HEXB: variants seen among roughly 807,000 people sequenced by gnomAD.
HEXB encodes beta-hexosaminidase subunit beta.
HEXB carries 51 observed loss-of-function variants against 71.2 expected under a neutral mutation model. The ratio of observed to expected loss-of-function variants is 0.72; its 90% CI spans 0.57 to 0.90. The LOEUF (loss-of-function observed/expected upper bound fraction) is 0.90. Among genes scored for constraint, HEXB ranks in the 40% least tolerant of loss-of-function variants. The pLI is 0.00. For missense variants in HEXB, 617 were observed against 677.0 expected, an observed-to-expected ratio of 0.91 and a Z score of 0.98; for synonymous variants, 266 against 249.3, an observed-to-expected ratio of 1.07 and a Z score of -0.63.
chr5:74,698,533 A>G (rs1749172741), intron 5 of HEXB, among the ~76,000 whole-genome samples: 1 of 151,898 alleles, frequency 6.6e-6, no homozygotes, highest in South Asian at 2.1e-4. Context: ...CTGGGATTAC[A>G]GGTGCACACC....
At chr5:74,665,372 A>G (rs909809789) in intron 1 of HEXB, among the ~76,000 whole-genome samples, 1 of 152,196 alleles carries the variant, frequency 6.6e-6, no homozygotes, top group African/African-American at 2.4e-5. Flanking sequence ...AAAAATACAT[A>G]TGGATATCTA....
intron 7 of HEXB, among the ~76,000 whole-genome samples, chr5:74,715,207 G>C (rs1397985601): frequency 6.6e-6 from 1 of 152,168 alleles, no homozygotes; most frequent in Non-Finnish European, 1.5e-5. Context: ...GTTGTATCCA[G>C]CAGGGAATTT....
At chr5:74,718,264 A>G in intron 9 of HEXB, 27 bp from the exon 10 acceptor site, 1 of 1,367,990 alleles carries the variant, frequency 7.3e-7, no homozygotes, top group Non-Finnish European at 1.0e-6. Context: ...ATGATCTAAA[A>G]TAACTATAAT....
In HEXB at chr5:74,721,158, A is replaced by C. The variant is rs1749848813; in HGVS notation, c.1654A>C (p.Asn552His). ...ACAACCTCTTTATGCTGGATATTGT[A>C]ACCATGAGAACATGTAAAAAATGGA... ...AAQPLYAGYC[N>H]HENM The change falls in exon 14 of 14, where the codon AAC becomes CAC. Residue 552 changes from asparagine to histidine, a missense_variant. Physicochemically the swap from Asn to His is moderately conservative, Grantham distance 68. Transcript: ENST00000261416. 3 of 1,613,090 alleles carry C rather than the reference A, an allele frequency of 1.9e-6. No homozygotes were observed. Among genetic ancestry groups the C allele is most frequent in the Admixed American group, 3.3e-5 (2 of 59,992 alleles).
chr5:74,671,244 A>C (rs1368093723), intron 1 of HEXB, among the ~76,000 whole-genome samples: 1 of 152,168 alleles, frequency 6.6e-6, no homozygotes, highest in Non-Finnish European at 1.5e-5. Context: ...ATCAGACCTT[A>C]CGTCCACTGA....
rs560894315 is a variant in HEXB, at chr5:74,651,687, G to A, written c.-377+11129G>A. On this transcript the variant is annotated intron_variant, in intron 1 of 13. Coordinates refer to the HEXB transcript ENST00000511181. ...GATGAATAAACCTGTACAAATAACC[G>A]AGGTCTCTTTTGAAGCATGAACCTT... 3.3e-5 allele frequency among the ~76,000 whole-genome samples: 5 copies of A among 152,300 alleles called. No homozygotes were observed. The East Asian group carries it at 7.7e-4, about 24-fold the overall frequency.
At chr5:74,712,176 C>T (rs1749558960) in intron 6 of HEXB, among the ~76,000 whole-genome samples, 1 of 147,998 alleles carries the variant, frequency 6.8e-6, no homozygotes. Flanking sequence ...TAAACTATCA[C>T]AAGAACAAAA....
intron 1 of HEXB, among the ~76,000 whole-genome samples, chr5:74,674,859 G>A (rs1188492902): frequency 6.6e-6 from 1 of 152,098 alleles, no homozygotes; most frequent in Non-Finnish European, 1.5e-5. Context: ...TTGAATGACT[G>A]ATAGATTATC....
At chr5:74,717,509 C>T (rs1355852202) in intron 9 of HEXB, among the ~76,000 whole-genome samples, 1 of 144,342 alleles carries the variant, frequency 6.9e-6, no homozygotes, top group Non-Finnish European at 1.5e-5. Context: ...CATTTCCATC[C>T]CAGGAAGTTC....
intron 11 of HEXB, chr5:74,720,201 C>T (rs1163816274): frequency 8.9e-6 from 5 of 559,870 alleles, no homozygotes; most frequent in South Asian, 6.0e-5. Flanking sequence ...TGCTGTGAAC[C>T]GTGGGTCAGG....
Position 74,652,489 on chromosome 5 carries a change from A to G in HEXB, c.-377+11931A>G, listed in dbSNP as rs748215260. Among the ~76,000 whole-genome samples the G allele has an allele frequency of 6.6e-6, 1 of 152,190 alleles. No homozygotes were observed. Among genetic ancestry groups the G allele is most frequent in the Non-Finnish European group, 1.5e-5 (1 of 68,030 alleles). On this transcript the variant is annotated intron_variant, in intron 1 of 13. Transcript: ENST00000511181. The surrounding 1 kb of genome is among the most constrained non-coding windows in gnomAD (Gnocchi z 5.4). ...CCCATGTGTTGGGATGTTTTGCAAA[A>G]TTTTTTACATTCAAAAGAGTCCTCA...
At chr5:74,701,037 G>T (rs1749248424) in intron 5 of HEXB, among the ~76,000 whole-genome samples, 1 of 151,274 alleles carries the variant, frequency 6.6e-6, no homozygotes, top group African/African-American at 2.4e-5. Flanking sequence ...TTTTAGCAAA[G>T]AACCCTGCTA....
upstream of HEXB, among the ~76,000 whole-genome samples, chr5:74,681,216 A>G (rs1160767580): frequency 6.6e-6 from 1 of 152,196 alleles, no homozygotes; most frequent in Admixed American, 6.5e-5. Context: ...TATTACTTAG[A>G]CTAATGGAGC....
chr5:74,670,780 A>G (rs1265018174), intron 1 of HEXB, among the ~76,000 whole-genome samples: 1 of 152,136 alleles, frequency 6.6e-6, no homozygotes, highest in Non-Finnish European at 1.5e-5. Context: ...CCACTGTGGG[A>G]GTGGTTTGCA....
At chr5:74,708,884 G>A (rs1335466684) in intron 6 of HEXB, among the ~76,000 whole-genome samples, 9 of 151,550 alleles carry the variant, frequency 5.9e-5, no homozygotes, top group South Asian at 2.1e-4. Context: ...ACAGATCAAC[G>A]AGACAGAAAG....
intron 7 of HEXB, 116 bp downstream of exon 7, chr5:74,713,751 C>T: frequency 1.2e-6 from 1 of 817,276 alleles, no homozygotes; most frequent in Non-Finnish European, 2.1e-6. Context: ...GCAACCTCCA[C>T]CTCCCAGGAT....
At chr5:74,681,898 C>T (rs144087946), upstream of HEXB, among the ~76,000 whole-genome samples, 163 of 152,340 alleles carry the variant, frequency 1.1e-3, 1 homozygote, top group Admixed American at 9.5e-3. Flanking sequence ...TACAAGATTA[C>T]GCTATATAAA....
chr5:74,693,577 CTTA>C, intron 2 of HEXB, 59 bp from the exon 3 acceptor site: 1 of 1,145,368 alleles, frequency 8.7e-7, no homozygotes, highest in Non-Finnish European at 1.3e-6. Flanking sequence ...GTTTAGGAAA[CTTA>C]TTGTGTGTCA....
intron 1 of HEXB, among the ~76,000 whole-genome samples, chr5:74,646,200 C>T (rs571286154): frequency 4.6e-5 from 7 of 152,212 alleles, no homozygotes; most frequent in African/African-American, 1.4e-4. Flanking sequence ...CTATATAATG[C>T]TGGCTTTTAT....
Sources: gnomAD v4.1 joint callset for allele counts (sites outside exome capture counted in the v4.1 genomes callset) on GRCh38, gnomAD v4.1.1 for gene constraint, Gnocchi (gnomAD v3.1) non-coding constraint, MANE v1.5 for transcripts, NCBI Gene and HGNC (gene_info 2026-07-23, HGNC 2026-07-21) for gene names.